MTUS1: variants seen among roughly 807,000 people sequenced by gnomAD.
MTUS1 encodes microtubule associated scaffold protein 1, also known as microtubule-associated tumor suppressor 1.
Under a neutral mutation model 120.8 loss-of-function variants are expected in MTUS1, and 109 were observed. The ratio of observed to expected loss-of-function variants is 0.90; its 90% CI spans 0.77 to 1.06. The LOEUF is 1.06. MTUS1 is among the 50% of genes least tolerant of loss of function. MTUS1 has a pLI of 0.00. For synonymous variants in MTUS1, 737 were observed against 550.5 expected (o/e 1.34, Z -4.74); for missense variants, 2,210 against 1,486.3 (o/e 1.49, Z -8.01).
intron 1 of MTUS1, among the ~76,000 whole-genome samples, chr8:17,795,511 A>G (rs2052151047): frequency 6.6e-6 from 1 of 152,234 alleles, no homozygotes. Flanking sequence ...AGACTGATCC[A>G]TTCCTAGTCT....
chr8:17,721,627 A>G (rs756388694), intron 4 of MTUS1: 1 of 1,427,810 alleles, frequency 7.0e-7, no homozygotes. Flanking sequence ...TTACAAAAAC[A>G]GAAGTCAAGA....
chr8:17,727,513 C>T (rs1432975272), intron 3 of MTUS1, among the ~76,000 whole-genome samples: 1 of 152,184 alleles, frequency 6.6e-6, no homozygotes, highest in African/African-American at 2.4e-5. Context: ...GCAACAAAGA[C>T]ATATAACTAT....
intron 7 of MTUS1, among the ~76,000 whole-genome samples, chr8:17,678,845 A>G (rs1225434453): frequency 4.6e-5 from 7 of 152,074 alleles, no homozygotes; most frequent in Admixed American, 3.9e-4. Flanking sequence ...AAGCCACCCA[A>G]TAGACCCTTT....
At chr8:17,789,380 AG>A (rs2051578108) in intron 1 of MTUS1, among the ~76,000 whole-genome samples, 1 of 152,168 alleles carries the variant, frequency 6.6e-6, no homozygotes, top group African/African-American at 2.4e-5. Context: ...ACTACCTAAA[AG>A]GTAGCTCAGA....
intron 6 of MTUS1, chr8:17,709,017 G>C (rs1820724398): frequency 1.3e-5 from 2 of 152,248 alleles, no homozygotes; most frequent in Non-Finnish European, 2.9e-5. Flanking sequence ...GGCGTCTGTA[G>C]TCCCAGCTAC....
At position 17,754,701 on chromosome 8, in the gene MTUS1, A is replaced by G. The variant is rs1442900474; in HGVS notation, c.1107T>C (p.His369=). The G allele has an allele frequency of 6.2e-7, 1 of 1,614,218 alleles. No individual in the cohort carries two copies. The highest frequency in any genetic ancestry group is 1.7e-5 in the Admixed American group (1 of 60,030). The change falls in exon 2 of 15, where the codon CAT becomes CAC. Residue 369 remains histidine (H), a synonymous_variant. Transcript: ENST00000693296. ...KSEAQVLNPE[H]KVTETEDTQM... ...GTGTGTCTTCAGTCTCAGTGACTTT[A>G]TGCTCTGGGTTCAGCACTTGAGCTT... is the stretch of plus-strand genomic sequence containing the variant.
At chr8:17,737,027 G>A (rs1353076682) in intron 3 of MTUS1, among the ~76,000 whole-genome samples, 7 of 152,272 alleles carry the variant, frequency 4.6e-5, no homozygotes, top group African/African-American at 1.7e-4. Flanking sequence ...AGAGTTCTTA[G>A]CACAAACCAG....
chr8:17,648,990 TCACA>T (rs1363537225), intron 13 of MTUS1, among the ~76,000 whole-genome samples: 2 of 152,244 alleles, frequency 1.3e-5, no homozygotes, highest in African/African-American at 4.8e-5. Flanking sequence ...AACATGCCAC[TCACA>T]CTAACATCGT....
chr8:17,721,819 G>A (rs200564270), intron 4 of MTUS1: 31 of 1,614,084 alleles, frequency 1.9e-5, no homozygotes, highest in East Asian at 8.9e-5. Context: ...TGAACCAGCC[G>A]GTGGGGTGAG....
At chr8:17,771,214 G>T (rs2049997664) in intron 1 of MTUS1, among the ~76,000 whole-genome samples, 2 of 152,092 alleles carry the variant, frequency 1.3e-5, no homozygotes, top group Admixed American at 1.3e-4. Flanking sequence ...TCTGTGTAAG[G>T]AAAAGTTCCT....
rs1334046990 is a variant in MTUS1 at position 17,755,977 on chromosome 8, T to A, written c.-154-16A>T. Reference sequence around the variant, plus strand: ...TTGTTGTTCCCTGGAAGAAATAAAATGTTTAACTCAAGTAACTATAAGAAA... The same window carrying A: ...TTGTTGTTCCCTGGAAGAAATAAAAAGTTTAACTCAAGTAACTATAAGAAA... On this transcript the variant is annotated splice_polypyrimidine_tract_variant and intron_variant, in intron 1 of 14. Transcript: ENST00000693296. 7.1e-7 allele frequency: 1 copy of A among 1,405,278 alleles called. No homozygotes were observed. Among genetic ancestry groups the A allele is most frequent in the African/African-American group, 1.4e-5 (1 of 69,152 alleles). 87.1% of individuals were successfully genotyped at this position (1,405,278 alleles called of 1,614,324 possible).
intron 2 of MTUS1, 59 bp downstream of exon 2, chr8:17,753,658 C>A (rs1235427586): frequency 1.7e-6 from 2 of 1,143,180 alleles, no homozygotes; most frequent in East Asian, 2.5e-5. Context: ...AATGCTAACA[C>A]ATCTCAGTTT....
At chr8:17,794,044 C>T (rs1337925597) in intron 1 of MTUS1, among the ~76,000 whole-genome samples, 1 of 152,084 alleles carries the variant, frequency 6.6e-6, no homozygotes, top group East Asian at 1.9e-4. Flanking sequence ...AAACCAAACA[C>T]AGGCCGGGCA....
intron 8 of MTUS1, among the ~76,000 whole-genome samples, chr8:17,659,233 A>G (rs1432730922): frequency 6.6e-6 from 1 of 152,112 alleles, no homozygotes; most frequent in Non-Finnish European, 1.5e-5. Flanking sequence ...TGGGGCTGGC[A>G]AGGCGCATGA....
chr8:17,783,545 T>C (rs552756016), intron 1 of MTUS1, among the ~76,000 whole-genome samples: 153 of 152,208 alleles, frequency 1.0e-3, no homozygotes, highest in African/African-American at 3.5e-3. Context: ...TAAAAAGATA[T>C]GCAATGCGCA....
At chr8:17,742,579 G>A (rs994531064) in intron 3 of MTUS1, among the ~76,000 whole-genome samples, 4 of 152,060 alleles carry the variant, frequency 2.6e-5, no homozygotes, top group Admixed American at 2.6e-4. Flanking sequence ...CTCTGGGGAT[G>A]GAGCCATGTG....
At chr8:17,744,254 G>A (rs1457768612) in intron 2 of MTUS1, among the ~76,000 whole-genome samples, 1 of 152,102 alleles carries the variant, frequency 6.6e-6, no homozygotes, top group Non-Finnish European at 1.5e-5. Context: ...AATTAGCTGA[G>A]AGTCTAGCAC....
At chr8:17,751,253 C>A (rs531997959) in intron 2 of MTUS1, among the ~76,000 whole-genome samples, 20 of 152,076 alleles carry the variant, frequency 1.3e-4, no homozygotes, top group Non-Finnish European at 2.9e-4. Flanking sequence ...GAGCCGAGAT[C>A]GCGCCACTGC....
At chr8:17,685,439 C>G (rs945828055) in intron 6 of MTUS1, among the ~76,000 whole-genome samples, 1 of 150,218 alleles carries the variant, frequency 6.7e-6, no homozygotes, top group Non-Finnish European at 1.5e-5. Context: ...CCAAGTAATC[C>G]AAACAAATGT....
Sources: gnomAD v4.1 joint callset for allele counts (sites outside exome capture counted in the v4.1 genomes callset) on GRCh38, gnomAD v4.1.1 for gene constraint, MANE v1.5 for transcripts, NCBI Gene and HGNC (gene_info 2026-07-23, HGNC 2026-07-21) for gene names.